The following SRPK1 variants were observed in gnomAD, a reference collection of about 807,000 sequenced individuals.
SRPK1 encodes SRSF protein kinase 1.
Under a neutral mutation model 89.5 loss-of-function variants are expected in SRPK1, and 52 were observed. That is an observed-to-expected ratio of 0.58 (90% CI 0.46 to 0.73). The LOEUF is 0.73. SRPK1 is among the 30% of genes least tolerant of loss of function. SRPK1 has a pLI of 0.00. For missense variants in SRPK1, 603 were observed against 780.6 expected, an observed-to-expected ratio of 0.77 and a Z score of 2.71; for synonymous variants, 255 against 270.2, an observed-to-expected ratio of 0.94 and a Z score of 0.55.
chr6:35,884,193 G>C (rs1770356682), intron 6 of SRPK1, among the ~76,000 whole-genome samples: 1 of 152,012 alleles, frequency 6.6e-6, no homozygotes, highest in South Asian at 2.1e-4. Context: ...GAAAAAAAAA[G>C]TATCCTAAAG....
At chr6:35,846,266 A>G (rs1171602197) in intron 13 of SRPK1, among the ~76,000 whole-genome samples, 4 of 151,722 alleles carry the variant, frequency 2.6e-5, no homozygotes, top group African/African-American at 9.7e-5. Context: ...CTCTTAAGAA[A>G]AAAAAAAAAT....
At chr6:35,886,068 CTTTTAGACAGTATCTTTTTTTTTTTT>C (rs1770402413) in intron 6 of SRPK1, among the ~76,000 whole-genome samples, 3 of 147,484 alleles carry the variant, frequency 2.0e-5, no homozygotes, top group Non-Finnish European at 3.0e-5. Context: ...TTTTCTCTTT[CTTTTAGACAGTATCTTTTTTTTTTTT>C]TTTTAGACAG....
intron 13 of SRPK1, among the ~76,000 whole-genome samples, chr6:35,846,097 A>G (rs1769420374): frequency 6.6e-6 from 1 of 152,074 alleles, no homozygotes; most frequent in African/African-American, 2.4e-5. Context: ...TTTTTCTTCA[A>G]TGGTATATAG....
intron 2 of SRPK1, among the ~76,000 whole-genome samples, chr6:35,894,813 T>A (rs756319973): frequency 1.3e-5 from 2 of 152,108 alleles, no homozygotes; most frequent in Admixed American, 6.6e-5. Context: ...TGGACCAACA[T>A]TGAAACTTAT....
chr6:35,892,978 T>C (rs1770552942), intron 2 of SRPK1, among the ~76,000 whole-genome samples: 1 of 152,206 alleles, frequency 6.6e-6, no homozygotes, highest in African/African-American at 2.4e-5. Flanking sequence ...CTTGATTTTC[T>C]TTTTAATCCC....
At chr6:35,908,412 A>G (rs1043330678) in intron 2 of SRPK1, among the ~76,000 whole-genome samples, 1 of 152,202 alleles carries the variant, frequency 6.6e-6, no homozygotes, top group Non-Finnish European at 1.5e-5. Context: ...AGTAAAGGTC[A>G]CTCATGCTAT....
chr6:35,883,776 C>T (rs1770346719), intron 6 of SRPK1, among the ~76,000 whole-genome samples: 1 of 151,694 alleles, frequency 6.6e-6, no homozygotes, highest in South Asian at 2.1e-4. Context: ...CTCTGTCGCC[C>T]AGGCTGGAGT....
At chr6:35,869,442 G>T in intron 11 of SRPK1, 40 bp downstream of exon 11, 1 of 1,583,428 alleles carries the variant, frequency 6.3e-7, no homozygotes, top group Non-Finnish European at 8.6e-7. Flanking sequence ...AATGTGTTGT[G>T]CAGGGAAGGA....
At chr6:35,841,948 C>A in intron 14 of SRPK1, among the ~76,000 whole-genome samples, 1 of 151,842 alleles carries the variant, frequency 6.6e-6, no homozygotes, top group South Asian at 2.1e-4. Context: ...CACACAGTTG[C>A]TGCTTCCACA....
At chr6:35,857,086 A>G in intron 13 of SRPK1, 175 bp downstream of exon 13, 1 of 528,570 alleles carries the variant, frequency 1.9e-6, no homozygotes, top group Non-Finnish European at 3.3e-6. Flanking sequence ...ACCAAATGAA[A>G]TGCCAGACAG....
At chr6:35,920,996 G>A (rs954283994) in intron 1 of SRPK1, 48 bp downstream of exon 1, 43 of 1,525,502 alleles carry the variant, frequency 2.8e-5, no homozygotes, top group Non-Finnish European at 3.8e-5. Flanking sequence ...CCCGGGCCTC[G>A]CCCCGGCGAC....
intron 12 of SRPK1, among the ~76,000 whole-genome samples, chr6:35,863,098 T>C (rs1769819409): frequency 6.7e-6 from 1 of 149,474 alleles, no homozygotes; most frequent in Non-Finnish European, 1.5e-5. Flanking sequence ...CTGCAGTGAG[T>C]TGTGATCATA....
intron 10 of SRPK1, 90 bp from the exon 11 acceptor site, chr6:35,869,991 G>C: frequency 7.3e-7 from 1 of 1,365,586 alleles, no homozygotes; most frequent in Non-Finnish European, 9.8e-7. Context: ...ACATTTTCTA[G>C]AACTTATACT....
intron 11 of SRPK1, 45 bp from the exon 12 acceptor site, chr6:35,869,155 G>GAAAT: frequency 6.8e-7 from 1 of 1,466,184 alleles, no homozygotes; most frequent in Non-Finnish European, 9.5e-7. Flanking sequence ...AATGAACAGA[G>GAAAT]AAATACTCAA....
chr6:35,911,680 C>G (rs1770963374), intron 2 of SRPK1, among the ~76,000 whole-genome samples: 2 of 152,060 alleles, frequency 1.3e-5, no homozygotes. Flanking sequence ...ATCCTCCCAT[C>G]TCGGCCTCCG....
chr6:35,907,700 C>T (rs746470089), intron 2 of SRPK1, among the ~76,000 whole-genome samples: 4 of 142,518 alleles, frequency 2.8e-5, no homozygotes, highest in Admixed American at 1.4e-4. Flanking sequence ...AACAAAACTC[C>T]GTCTCAAAAA....
intron 9 of SRPK1, 37 bp downstream of exon 9, chr6:35,870,897 T>C (rs769079803): frequency 1.4e-5 from 22 of 1,551,612 alleles, no homozygotes; most frequent in Non-Finnish European, 1.6e-5. Flanking sequence ...CCATAGTCCA[T>C]AGATCAAAAT....
chr6:35,910,929 A>G (rs1770946829), intron 2 of SRPK1, among the ~76,000 whole-genome samples: 1 of 152,330 alleles, frequency 6.6e-6, no homozygotes, highest in Non-Finnish European at 1.5e-5. Context: ...CTTTGAAAAT[A>G]TTACTGCTCA....
intron 2 of SRPK1, among the ~76,000 whole-genome samples, chr6:35,918,892 C>T (rs1277441954): frequency 1.3e-5 from 2 of 152,156 alleles, no homozygotes; most frequent in African/African-American, 4.8e-5. Context: ...GGGCTAATCT[C>T]AAATTAATTT....
Sources: gnomAD v4.1 joint callset for allele counts (sites outside exome capture counted in the v4.1 genomes callset) on GRCh38, gnomAD v4.1.1 for gene constraint, MANE v1.5 for transcripts, NCBI Gene and HGNC (gene_info 2026-07-23, HGNC 2026-07-21) for gene names.